The following NCKAP1 variants were observed in gnomAD, a reference collection of about 807,000 sequenced individuals.
The protein encoded by NCKAP1 is NCK associated protein 1, also known as nck-associated protein 1.
NCKAP1 carries 21 observed loss-of-function variants against 151.2 expected under a neutral mutation model. The ratio of observed to expected loss-of-function variants is 0.14; its 90% CI spans 0.10 to 0.20. The LOEUF is 0.20. Ranked by LOEUF, NCKAP1 falls within the 10% of genes least tolerant of loss-of-function variation. NCKAP1 has a pLI of 1.00. For synonymous variants in NCKAP1, 484 were observed against 451.8 expected, an observed-to-expected ratio of 1.07 and a Z score of -0.90; for missense variants, 933 against 1,352.1, an observed-to-expected ratio of 0.69 and a Z score of 4.86.
rs1268301463 is a variant in NCKAP1, at chr2:182,920,532, T to TA, written c.*5169dup. The TA allele has an allele frequency of 2.6e-5, 4 of 152,176 alleles. No homozygotes were observed. The highest frequency in any genetic ancestry group is 4.8e-5 in the African/African-American group (2 of 41,450). 9.4% of individuals were successfully genotyped at this position (152,176 alleles called of 1,614,324 possible). A position where few individuals can be genotyped will look rare whatever the true frequency, so the allele number is the denominator to read the frequency against. ...ACTGTGAACAATAAATTTGTTACTA[T>TA]AAAAAAACTTCTTGCTTATAGTTCT... On this transcript the variant is annotated 3_prime_UTR_variant, in exon 31 of 31. Coordinates refer to ENST00000361354, the MANE Select transcript of NCKAP1 (RefSeq NM_013436.5).
chr2:183,006,894 T>C (rs1435202387), intron 2 of NCKAP1, among the ~76,000 whole-genome samples: 4 of 152,184 alleles, frequency 2.6e-5, no homozygotes, highest in Non-Finnish European at 4.4e-5. Context: ...ATTTTTGGGA[T>C]GGAGTCTTGT....
At chr2:182,962,446 C>A (rs776799832) in intron 17 of NCKAP1, among the ~76,000 whole-genome samples, 168 bp from the exon 18 acceptor site, 1 of 151,968 alleles carries the variant, frequency 6.6e-6, no homozygotes, top group African/African-American at 2.4e-5. Context: ...ACTCACCATA[C>A]TGTATTTGAA....
At chr2:182,956,397 T>C in intron 20 of NCKAP1, 65 bp downstream of exon 20, 1 of 1,536,020 alleles carries the variant, frequency 6.5e-7, no homozygotes, top group South Asian at 1.2e-5. Context: ...TATAAAACAC[T>C]GTATAATTAA....
chr2:182,999,034 C>T (rs939644909), intron 6 of NCKAP1, among the ~76,000 whole-genome samples: 9 of 152,038 alleles, frequency 5.9e-5, no homozygotes, highest in African/African-American at 1.4e-4. Context: ...GCATTCTACG[C>T]TCATGGGATG....
intron 29 of NCKAP1, 66 bp downstream of exon 29, chr2:182,928,051 T>G: frequency 9.0e-7 from 1 of 1,108,972 alleles, no homozygotes. Flanking sequence ...ATTCTTACAT[T>G]TTGTGGTTGT....
At chr2:183,035,926 T>C (rs1699093332) in intron 1 of NCKAP1, among the ~76,000 whole-genome samples, 1 of 152,134 alleles carries the variant, frequency 6.6e-6, no homozygotes, top group Non-Finnish European at 1.5e-5. Context: ...AATTACACTG[T>C]CCCTGCCCAG....
intron 2 of NCKAP1, among the ~76,000 whole-genome samples, chr2:183,009,332 G>A (rs1384188960): frequency 6.7e-6 from 1 of 148,322 alleles, no homozygotes; most frequent in African/African-American, 2.5e-5. Context: ...CCAAGATTGT[G>A]CCATTGTACT....
At chr2:183,029,724 A>G (rs76829215) in intron 1 of NCKAP1, among the ~76,000 whole-genome samples, 8,192 of 149,410 alleles carry the variant, frequency 0.055, 297 homozygotes, top group Non-Finnish European at 0.081. Flanking sequence ...GGAGGCTAAG[A>G]TGGAAGGACT....
intron 10 of NCKAP1, 69 bp downstream of exon 10, chr2:182,986,102 C>T: frequency 6.9e-7 from 1 of 1,439,758 alleles, no homozygotes; most frequent in Non-Finnish European, 9.7e-7. Flanking sequence ...TCTGTACTCA[C>T]TTCAACAAAA....
intron 23 of NCKAP1, among the ~76,000 whole-genome samples, chr2:182,944,742 A>C (rs1239290466): frequency 1.3e-5 from 2 of 152,234 alleles, no homozygotes; most frequent in Non-Finnish European, 2.9e-5. Flanking sequence ...ATAAAAAGAA[A>C]AAGATTGAAT....
intron 23 of NCKAP1, 134 bp from the exon 24 acceptor site, chr2:182,942,297 T>C (rs1243178381): frequency 1.8e-6 from 1 of 547,590 alleles, no homozygotes; most frequent in African/African-American, 1.9e-5. Context: ...GCTACATATA[T>C]TTTTTTGTTG....
intron 23 of NCKAP1, among the ~76,000 whole-genome samples, chr2:182,949,629 C>G (rs987251649): frequency 6.6e-6 from 1 of 152,140 alleles, no homozygotes; most frequent in African/African-American, 2.4e-5. Flanking sequence ...TGGCGAAACC[C>G]TGTCTCTACA....
rs1696586027 is a variant in NCKAP1, at chr2:182,923,598, T to G, written c.*2104A>C. Reference sequence around the variant, plus strand: ...AAATTGTTAAATTAGTTATGGTATCTATAAAGGTATTAAAAAGAATATTAA... The same window carrying G: ...AAATTGTTAAATTAGTTATGGTATCGATAAAGGTATTAAAAAGAATATTAA... On this transcript the variant is annotated 3_prime_UTR_variant, in exon 31 of 31. Coordinates refer to ENST00000361354, the MANE Select transcript of NCKAP1 (RefSeq NM_013436.5). 6.6e-6 allele frequency: 1 copy of G among 152,198 alleles called. No individual in the cohort carries two copies. The highest frequency in any genetic ancestry group is 2.4e-5 in the African/African-American group (1 of 41,450). The allele number at this position is 152,198 out of a possible 1,614,324, so 9.4% of individuals were successfully genotyped here. A position where few individuals can be genotyped will look rare whatever the true frequency, so the allele number is the denominator to read the frequency against.
At position 182,919,490 on chromosome 2, in the gene NCKAP1, T is replaced by C. The variant is rs1379807732; in HGVS notation, c.*6212A>G. The C allele has an allele frequency of 1.3e-5, 2 of 152,164 alleles. No homozygotes were observed. Among genetic ancestry groups the C allele is most frequent in the African/African-American group, 4.8e-5 (2 of 41,426 alleles). The allele number at this position is 152,164 out of a possible 1,614,324, so 9.4% of individuals were successfully genotyped here. On this transcript the variant is annotated 3_prime_UTR_variant, in exon 31 of 31. Transcript: ENST00000361354. The stretch of plus-strand genomic sequence containing the variant: ...AACGTAAGTTATGGTCATACCTAAT[T>C]AGTATGACATTCTGATTATTAACTG...
At chr2:182,956,729 G>T in intron 19 of NCKAP1, 136 bp from the exon 20 acceptor site, 2 of 862,460 alleles carry the variant, frequency 2.3e-6, no homozygotes, top group Non-Finnish European at 3.4e-6. Flanking sequence ...AACTGAGAAA[G>T]TTCAAAATCT....
intron 24 of NCKAP1, among the ~76,000 whole-genome samples, chr2:182,938,094 T>C (rs72886545): frequency 0.025 from 3,784 of 152,330 alleles, 75 homozygotes; most frequent in Non-Finnish European, 0.04. Flanking sequence ...TGGGGCCCAA[T>C]AATTTACATG....
rs74422396 is a variant in NCKAP1 at position 183,025,045 on chromosome 2, T to C, written c.109-1129A>G. ...AGAGAAAATTACGTGTAAACAATGA[T>C]TGTCAAACTATGATATACGTTTCAG... is the stretch of plus-strand genomic sequence containing the variant. On this transcript the variant is annotated intron_variant, in intron 1 of 30. Transcript: ENST00000361354. 2.0e-4 allele frequency: 307 copies of C among 1,568,000 alleles called. 2 individuals are homozygous for C. The East Asian group carries it at 6.8e-3, about 35-fold the overall frequency.
chr2:182,938,450 G>A (rs956777512), intron 24 of NCKAP1, among the ~76,000 whole-genome samples: 1 of 152,066 alleles, frequency 6.6e-6, no homozygotes, highest in Non-Finnish European at 1.5e-5. Flanking sequence ...CAGAATGAGA[G>A]TTGAGGAAAA....
Position 183,002,058 on chromosome 2 carries a change from A to T in NCKAP1, c.513-15T>A. The T allele has an allele frequency of 6.2e-7, 1 of 1,612,922 alleles. No homozygotes were observed. Among genetic ancestry groups the T allele is most frequent in the South Asian group, 1.1e-5 (1 of 91,024 alleles). On this transcript the variant is annotated splice_polypyrimidine_tract_variant and intron_variant, in intron 5 of 30. Transcript: ENST00000361354. ...ATTCTCTGTCACTTAAAACAGACAT[A>T]TCAAATTTCAATGAGTTGTAATCCA...
Sources: gnomAD v4.1 joint callset for allele counts (sites outside exome capture counted in the v4.1 genomes callset) on GRCh38, gnomAD v4.1.1 for gene constraint, MANE v1.5 for transcripts, NCBI Gene and HGNC (gene_info 2026-07-23, HGNC 2026-07-21) for gene names.